The following HABP2 variants were observed in gnomAD, a reference collection of about 807,000 sequenced individuals.
HABP2 encodes hyaluronan binding protein 2.
In HABP2, 65 loss-of-function variants were observed where a neutral mutation model predicts 66.5. The observed-to-expected ratio is 0.98, with a 90% CI of 0.80 to 1.20. The LOEUF (loss-of-function observed/expected upper bound fraction) is 1.20. Among genes scored for constraint, HABP2 ranks in the 50% most tolerant of loss-of-function variants. HABP2 has a pLI of 0.00. For missense variants in HABP2, 786 were observed against 691.0 expected, an observed-to-expected ratio of 1.14 and a Z score of -1.54; for synonymous variants, 263 against 253.9, an observed-to-expected ratio of 1.04 and a Z score of -0.34.
intron 3 of HABP2, among the ~76,000 whole-genome samples, chr10:113,575,671 C>G (rs1845394837): frequency 6.6e-6 from 1 of 152,190 alleles, no homozygotes; most frequent in Non-Finnish European, 1.5e-5. Flanking sequence ...GTCGTGGTTC[C>G]TTCTCGCCTC....
intron 7 of HABP2, among the ~76,000 whole-genome samples, chr10:113,579,913 G>A (rs1458150293): frequency 6.6e-6 from 1 of 152,102 alleles, no homozygotes; most frequent in East Asian, 1.9e-4. Flanking sequence ...CTTCCAAGTA[G>A]CTGGGATTAC....
At chr10:113,574,592 T>C (rs1214922351) in intron 3 of HABP2, among the ~76,000 whole-genome samples, 187 bp downstream of exon 3, 3 of 152,184 alleles carry the variant, frequency 2.0e-5, no homozygotes, top group African/African-American at 7.2e-5. Flanking sequence ...GGGAAGTTCT[T>C]AGAGACCATC....
intron 3 of HABP2, among the ~76,000 whole-genome samples, chr10:113,574,662 A>C (rs1021502878): frequency 6.6e-6 from 1 of 152,224 alleles, no homozygotes; most frequent in African/African-American, 2.4e-5. Flanking sequence ...TGACTTGGCC[A>C]AGGTCATGCA....
chr10:113,564,996 G>T (rs4917660), intron 1 of HABP2, among the ~76,000 whole-genome samples: 2 of 151,678 alleles, frequency 1.3e-5, no homozygotes, highest in African/African-American at 4.9e-5. Context: ...ACAGGCCCCC[G>T]CTGCCACATC....
Position 113,587,570 on chromosome 10 carries a change from C to G in HABP2, c.1519-635C>G, listed in dbSNP as rs1172097897. 2.0e-5 allele frequency among the ~76,000 whole-genome samples: 3 copies of G among 152,112 alleles called. No individual in the cohort carries two copies. In the East Asian group the frequency reaches 5.8e-4, roughly 29 times the overall value. ...GAGAATTCATTTTTTAAAAACCTGT[C>G]AGTTGTAGTGTTTAAGCAGTATTAA... On this transcript the variant is annotated intron_variant, in intron 12 of 12. Transcript: ENST00000351270.
rs113657580 is a variant in HABP2 at position 113,580,592 on chromosome 10, T to C, written c.741-3T>C. 8.6e-6 allele frequency: 13 copies of C among 1,507,914 alleles called. No homozygotes were observed. The highest frequency in any genetic ancestry group is 1.1e-5 in the Non-Finnish European group (12 of 1,083,026). 93.4% of individuals were successfully genotyped at this position (1,507,914 alleles called of 1,614,324 possible). A position where few individuals can be genotyped will look rare whatever the true frequency, so the allele number is the denominator to read the frequency against. On this transcript the variant is annotated splice_region_variant and splice_polypyrimidine_tract_variant and intron_variant, in intron 7 of 12. Coordinates refer to ENST00000351270, the MANE Select transcript of HABP2 (RefSeq NM_004132.5). Reference sequence around the variant, plus strand: ...CTCTGAGTTGTTTTGTTTTGTATTTTAGAAACCCAGATGCGGACGAAAAGC... The same window carrying C: ...CTCTGAGTTGTTTTGTTTTGTATTTCAGAAACCCAGATGCGGACGAAAAGC...
chr10:113,552,137 C>T (rs1404558343), upstream of HABP2, among the ~76,000 whole-genome samples: 1 of 152,066 alleles, frequency 6.6e-6, no homozygotes, highest in African/African-American at 2.4e-5. Flanking sequence ...ACGTGCCAAA[C>T]AGGGATGGCA....
chr10:113,583,136 C>T (rs1437119230), intron 9 of HABP2, 80 bp from the exon 10 acceptor site: 1 of 1,244,826 alleles, frequency 8.0e-7, no homozygotes, highest in African/African-American at 1.5e-5. Flanking sequence ...GAGGCTGAGT[C>T]TGCAGAAGGT....
rs1845424118 is a variant in HABP2, at chr10:113,577,030, G to T, written c.332-120G>T. The T allele has an allele frequency of 4.3e-6, 3 of 705,770 alleles. No homozygotes were observed. The South Asian group carries it at 5.0e-5, about 12-fold the overall frequency. 43.7% of individuals were successfully genotyped at this position (705,770 alleles called of 1,614,324 possible). A position where few individuals can be genotyped will look rare whatever the true frequency, so the allele number is the denominator to read the frequency against. ...TGTCCTGGCATAGCCCAGTGTTTCAGGACCACGGACAAGGCTACAGACACT... is the reference window on the plus strand; with the variant it reads ...TGTCCTGGCATAGCCCAGTGTTTCATGACCACGGACAAGGCTACAGACACT... On this transcript the variant is annotated intron_variant, in intron 4 of 12. Coordinates refer to ENST00000351270, the MANE Select transcript of HABP2 (RefSeq NM_004132.5).
chr10:113,589,522 A>C lies in HABP2; in HGVS notation c.*1153A>C. 1.1e-6 allele frequency: 1 copy of C among 942,402 alleles called. No individual in the cohort carries two copies. Among genetic ancestry groups the C allele is most frequent in the South Asian group, 1.6e-5 (1 of 60,730 alleles). The allele number at this position is 942,402 out of a possible 1,614,324, so 58.4% of individuals were successfully genotyped here. A position where few individuals can be genotyped will look rare whatever the true frequency, so the allele number is the denominator to read the frequency against. ...TGCCTGGTCATCTCAGACCCATGAA[A>C]TTAGGCGCCTTGTTTGAGCTGCGTT... On this transcript the variant is annotated 3_prime_UTR_variant, in exon 13 of 13. Transcript: ENST00000351270.
intron 1 of HABP2, among the ~76,000 whole-genome samples, chr10:113,563,389 C>G (rs1845135696): frequency 6.6e-6 from 1 of 152,184 alleles, no homozygotes; most frequent in Non-Finnish European, 1.5e-5. Context: ...CTGGACTTTC[C>G]CATACGGTCC....
Position 113,578,058 on chromosome 10 carries a change from A to C in HABP2, c.481A>C (p.Asn161His). The change falls in exon 6 of 13, where the codon AAT becomes CAT. Residue 161 changes from asparagine to histidine, a missense_variant. Asn to His is a moderately conservative substitution (Grantham distance 68, BLOSUM62 1). Transcript: ENST00000351270. ...VPVCRPNPCQ[N>H]GATCSRHKRR... ...TGTATGCAGGCCAAACCCCTGCCAG[A>C]ATGGGGCTACCTGCTCCCGGCATAA... The C allele has an allele frequency of 6.2e-7, 1 of 1,614,156 alleles. No individual in the cohort carries two copies. The highest frequency in any genetic ancestry group is 8.5e-7 in the Non-Finnish European group (1 of 1,180,018).
intron 2 of HABP2, among the ~76,000 whole-genome samples, chr10:113,573,050 C>T (rs747848465): frequency 1.1e-4 from 16 of 152,182 alleles, no homozygotes; most frequent in Non-Finnish European, 1.9e-4. Context: ...CAGCTGGCTC[C>T]GTAGGAGTGC....
intron 1 of HABP2, among the ~76,000 whole-genome samples, chr10:113,566,440 A>G (rs1473506325): frequency 6.6e-6 from 1 of 152,268 alleles, no homozygotes; most frequent in Non-Finnish European, 1.5e-5. Context: ...TTTCAGGTTG[A>G]GTACTGCATA....
upstream of HABP2, chr10:113,552,979 A>C: frequency 1.6e-6 from 1 of 644,752 alleles, no homozygotes; most frequent in East Asian, 2.7e-5. Flanking sequence ...TTAAACATTA[A>C]ACAGTATTTG....
chr10:113,588,090 G>T, intron 12 of HABP2, 115 bp from the exon 13 acceptor site: 1 of 726,408 alleles, frequency 1.4e-6, no homozygotes, highest in Non-Finnish European at 2.2e-6. Context: ...AGAAGCCCAC[G>T]GAGGCTGGCA....
At position 113,589,182 on chromosome 10, in the gene HABP2, C is replaced by G; in HGVS notation, c.*813C>G. 1 of 857,008 alleles carries G rather than the reference C, an allele frequency of 1.2e-6. No individual in the cohort carries two copies. Among genetic ancestry groups the G allele is most frequent in the Non-Finnish European group, 1.8e-6 (1 of 544,772 alleles). 53.1% of individuals were successfully genotyped at this position (857,008 alleles called of 1,614,324 possible). ...GCTAAGAAGCACAGGGAGCATTTAA[C>G]AGGCTCACCCTCCCTTTCCTTTTCC... On this transcript the variant is annotated 3_prime_UTR_variant, in exon 13 of 13. Transcript: ENST00000351270.
At chr10:113,553,659 C>T (rs1360291014) in intron 1 of HABP2, among the ~76,000 whole-genome samples, 2 of 152,214 alleles carry the variant, frequency 1.3e-5, no homozygotes, top group African/African-American at 4.8e-5. Flanking sequence ...TGCAAAAGAT[C>T]CTGGCAGTGG....
At chr10:113,553,834 T>G (rs1844943164) in intron 1 of HABP2, among the ~76,000 whole-genome samples, 1 of 152,136 alleles carries the variant, frequency 6.6e-6, no homozygotes. Flanking sequence ...AACGGGGGAC[T>G]CAGGACCTTC....
Sources: gnomAD v4.1 joint callset for allele counts (sites outside exome capture counted in the v4.1 genomes callset) on GRCh38, gnomAD v4.1.1 for gene constraint, MANE v1.5 for transcripts, NCBI Gene and HGNC (gene_info 2026-07-23, HGNC 2026-07-21) for gene names.